SNX29: variants seen among roughly 807,000 people sequenced by gnomAD.
SNX29 encodes the protein sorting nexin-29.
Under a neutral mutation model 102.1 loss-of-function variants are expected in SNX29, and 78 were observed. That is an observed-to-expected ratio of 0.76 (90% CI 0.64 to 0.92). SNX29 has a LOEUF of 0.92. Among genes scored for constraint, SNX29 ranks in the 40% least tolerant of loss-of-function variants. The pLI is 0.00. For synonymous variants in SNX29, 580 were observed against 414.5 expected (o/e 1.40, Z -4.85); for missense variants, 1,280 against 1,061.7 (o/e 1.21, Z -2.86).
In SNX29 at chr16:12,568,662, G is replaced by C; in HGVS notation, c.*33G>C. The C allele has an allele frequency of 1.3e-6, 2 of 1,596,102 alleles. No homozygotes were observed. The highest frequency in any genetic ancestry group is 8.5e-7 in the Non-Finnish European group (1 of 1,177,924). Reference sequence around the variant, plus strand: ...AAAACCGCAGCCACGGGCCCTGTGCGTGGCACCAGCTGCGTCCACCCCAGC... The same window carrying C: ...AAAACCGCAGCCACGGGCCCTGTGCCTGGCACCAGCTGCGTCCACCCCAGC... On this transcript the variant is annotated 3_prime_UTR_variant, in exon 21 of 21. Transcript: ENST00000566228.
At chr16:12,456,108 T>C (rs1436737663) in intron 18 of SNX29, among the ~76,000 whole-genome samples, 2 of 152,204 alleles carry the variant, frequency 1.3e-5, no homozygotes, top group Admixed American at 1.3e-4. Context: ...ATCCATTATT[T>C]CCAGGCACTG....
chr16:12,325,164 A>G (rs1228990968), intron 15 of SNX29, among the ~76,000 whole-genome samples: 1 of 152,204 alleles, frequency 6.6e-6, no homozygotes, highest in African/African-American at 2.4e-5. Context: ...CCTAATGGCA[A>G]GAAAGAATAG....
chr16:12,550,140 C>G (rs1278213188), intron 20 of SNX29, among the ~76,000 whole-genome samples: 1 of 152,186 alleles, frequency 6.6e-6, no homozygotes, highest in African/African-American at 2.4e-5. Context: ...AAAGGGAATA[C>G]CTTCCATACC....
At chr16:12,091,071 A>C (rs1184054702) in intron 11 of SNX29, among the ~76,000 whole-genome samples, 1 of 151,672 alleles carries the variant, frequency 6.6e-6, no homozygotes, top group Non-Finnish European at 1.5e-5. Context: ...CCTGGAAAAT[A>C]GTAATAATAC....
intron 2 of SNX29, 139 bp from the exon 3 acceptor site, chr16:12,002,852 C>A (rs540551247): frequency 3.5e-6 from 3 of 845,154 alleles, no homozygotes; most frequent in East Asian, 2.6e-5. Context: ...ACCCAGGGGA[C>A]AGGGACGTCC....
intron 13 of SNX29, among the ~76,000 whole-genome samples, chr16:12,175,535 C>T (rs2076240845): frequency 6.6e-6 from 1 of 151,882 alleles, no homozygotes; most frequent in Admixed American, 6.6e-5. Flanking sequence ...CCTGTAATCC[C>T]AGCTACTTGA....
At chr16:12,130,133 A>C (rs2141416349) in intron 13 of SNX29, among the ~76,000 whole-genome samples, 1 of 150,406 alleles carries the variant, frequency 6.6e-6, no homozygotes, top group East Asian at 2.0e-4. Flanking sequence ...AACCAACCAA[A>C]CAACAACAAA....
At chr16:11,985,163 A>C (rs966409599) in intron 1 of SNX29, among the ~76,000 whole-genome samples, 2 of 151,988 alleles carry the variant, frequency 1.3e-5, no homozygotes, top group Non-Finnish European at 2.9e-5. Flanking sequence ...AAGTGGTTGC[A>C]CTAGTTTCAA....
At chr16:12,186,804 CA>C (rs943830960) in intron 13 of SNX29, among the ~76,000 whole-genome samples, 2 of 152,118 alleles carry the variant, frequency 1.3e-5, no homozygotes, top group African/African-American at 4.8e-5. Context: ...TGATTAGGTT[CA>C]GGTTATGTGT....
intron 14 of SNX29, among the ~76,000 whole-genome samples, chr16:12,212,565 G>A (rs144016532): frequency 6.6e-6 from 1 of 152,258 alleles, no homozygotes; most frequent in East Asian, 1.9e-4. Context: ...CCATCTCTGA[G>A]CTTCAGTATT....
At chr16:12,291,492 C>T (rs539411163) in intron 15 of SNX29, among the ~76,000 whole-genome samples, 1 of 152,280 alleles carries the variant, frequency 6.6e-6, no homozygotes, top group African/African-American at 2.4e-5. Context: ...AGCTACAATT[C>T]AAGGTGAGAT....
At chr16:12,423,831 C>T (rs1170320673) in intron 18 of SNX29, among the ~76,000 whole-genome samples, 1 of 152,198 alleles carries the variant, frequency 6.6e-6, no homozygotes, top group Non-Finnish European at 1.5e-5. Flanking sequence ...CTCAGCTTCC[C>T]AAAGTGTTGG....
intron 3 of SNX29, among the ~76,000 whole-genome samples, chr16:12,019,509 T>C (rs2056952423): frequency 6.6e-6 from 1 of 151,886 alleles, no homozygotes; most frequent in Non-Finnish European, 1.5e-5. Context: ...CTGGCAACTA[T>C]GACCAGTAAA....
chr16:12,108,741 G>A (rs2141249817), intron 11 of SNX29, among the ~76,000 whole-genome samples: 1 of 152,262 alleles, frequency 6.6e-6, no homozygotes, highest in African/African-American at 2.4e-5. Flanking sequence ...CCCAGCCTGA[G>A]CCCTGAAGCC....
chr16:12,288,129 A>G (rs77499158), intron 15 of SNX29, among the ~76,000 whole-genome samples: 2,084 of 152,294 alleles, frequency 0.014, 150 homozygotes, highest in Admixed American at 0.11. Flanking sequence ...TCAAGGCTGC[A>G]GTGAGCTATT....
chr16:12,476,395 TATATATATATATATATAC>T (rs1450710483), intron 18 of SNX29, among the ~76,000 whole-genome samples: 447 of 18,014 alleles, frequency 0.025, 10 homozygotes, highest in African/African-American at 0.1. Context: ...TATATATATA[TATATATATATATATATAC>T]ATATATATAT....
chr16:12,423,762 G>A (rs997340585), intron 18 of SNX29, among the ~76,000 whole-genome samples: 2 of 152,148 alleles, frequency 1.3e-5, no homozygotes, highest in African/African-American at 2.4e-5. Context: ...AATAGAGATG[G>A]GGTTTCGCTA....
chr16:12,552,993 GC>G (rs1173496836), intron 20 of SNX29, among the ~76,000 whole-genome samples: 1 of 152,224 alleles, frequency 6.6e-6, no homozygotes, highest in Non-Finnish European at 1.5e-5. Flanking sequence ...TGTCTGAGGG[GC>G]TGAAATCAGG....
intron 15 of SNX29, among the ~76,000 whole-genome samples, chr16:12,323,913 T>G (rs1376728186): frequency 6.6e-6 from 1 of 152,316 alleles, no homozygotes; most frequent in Non-Finnish European, 1.5e-5. Flanking sequence ...AAGTTGTTGT[T>G]TAAACTGTTC....
Sources: gnomAD v4.1 joint callset for allele counts (sites outside exome capture counted in the v4.1 genomes callset) on GRCh38, gnomAD v4.1.1 for gene constraint, MANE v1.5 for transcripts, NCBI Gene and HGNC (gene_info 2026-07-23, HGNC 2026-07-21) for gene names.